The following ZFP14 variants were observed in gnomAD, a reference collection of about 807,000 sequenced individuals.
ZFP14 encodes the protein ZFP14 zinc finger protein, also known as zinc finger protein 14 homolog.
In ZFP14, 22 loss-of-function variants were observed where a neutral mutation model predicts 54.5. The observed-to-expected ratio is 0.40, with a 90% confidence interval of 0.29 to 0.58. The LOEUF (loss-of-function observed/expected upper bound fraction) is 0.58, where lower values mean the gene tolerates loss of function less well. ZFP14 is among the 20% of genes least tolerant of loss of function. ZFP14 has a pLI of 0.39. For missense variants in ZFP14, 470 were observed against 637.8 expected (o/e 0.74, Z 2.83); for synonymous variants, 159 against 204.0 (o/e 0.78, Z 1.88).
intron 2 of ZFP14, chr19:36,362,805 A>G (rs1306748657): frequency 6.7e-6 from 2 of 300,576 alleles, no homozygotes; most frequent in Admixed American, 8.7e-5. Context: ...AAAAACATTG[A>G]TAAAAATTTA....
rs60367597 is a variant in ZFP14, at chr19:36,347,622, A to AAAAGAAAG, written c.236-6040_236-6033dup. On this transcript the variant is annotated intron_variant, in intron 4 of 4. Transcript: ENST00000270001. ...AGGCTCCATCTCAAAAAAAACAAAG[A>AAAAGAAAG]AAAGAAAGAAAAAGAAAAAGTAATC... Among the ~76,000 whole-genome samples the AAAAGAAAG allele has an allele frequency of 2.0e-5, 3 of 151,276 alleles. No homozygotes were observed. In the East Asian group the frequency reaches 5.9e-4, roughly 30 times the overall value.
At chr19:36,353,492 C>T (rs567815667) in intron 4 of ZFP14, among the ~76,000 whole-genome samples, 3 of 139,646 alleles carry the variant, frequency 2.1e-5, no homozygotes, top group Admixed American at 1.5e-4. Flanking sequence ...CAAGGTCAGG[C>T]GTTCGAGACC....
rs4806322 is a variant in ZFP14 at position 36,339,050 on chromosome 19, T to A, written c.*1174A>T. On this transcript the variant is annotated 3_prime_UTR_variant, in exon 5 of 5. Coordinates refer to ENST00000270001, the MANE Select transcript of ZFP14 (RefSeq NM_020917.3). ...TGTATTACTAGTGACCTCACATTCATGAAATTCATTTTTGGCATGAAATTT... is the reference window on the plus strand; with the variant it reads ...TGTATTACTAGTGACCTCACATTCAAGAAATTCATTTTTGGCATGAAATTT... The A allele has an allele frequency of 6.6e-6, 1 of 152,214 alleles. No homozygotes were observed. Among genetic ancestry groups the A allele is most frequent in the African/African-American group, 2.4e-5 (1 of 41,454 alleles). The allele number at this position is 152,214 out of a possible 1,614,324, so 9.4% of individuals were successfully genotyped here. A position where few individuals can be genotyped will look rare whatever the true frequency, so the allele number is the denominator to read the frequency against.
At chr19:36,348,825 AATG>A (rs1348621621) in intron 4 of ZFP14, among the ~76,000 whole-genome samples, 1 of 152,094 alleles carries the variant, frequency 6.6e-6, no homozygotes, top group African/African-American at 2.4e-5. Flanking sequence ...AAATAACACC[AATG>A]GGTTCCTCCC....
intron 3 of ZFP14, 137 bp downstream of exon 3, chr19:36,361,975 G>A (rs1320087597): frequency 1.1e-6 from 1 of 949,910 alleles, no homozygotes; most frequent in East Asian, 2.9e-5. Context: ...ATGATGAAAT[G>A]GAGAGGCCTA....
chr19:36,376,062 T>C (rs1163948803), intron 1 of ZFP14, among the ~76,000 whole-genome samples: 1 of 152,166 alleles, frequency 6.6e-6, no homozygotes, highest in Non-Finnish European at 1.5e-5. Context: ...TATATGCTTT[T>C]ATTTTTCTGC....
intron 1 of ZFP14, among the ~76,000 whole-genome samples, chr19:36,374,159 C>T (rs375344613): frequency 6.6e-6 from 1 of 152,242 alleles, no homozygotes; most frequent in South Asian, 2.1e-4. Context: ...AGAAGCTCCA[C>T]TTCTGACACT....
chr19:36,339,894 T>C lies in ZFP14; in HGVS notation c.*330A>G, dbSNP rs1368592430. On this transcript the variant is annotated 3_prime_UTR_variant, in exon 5 of 5. Transcript: ENST00000270001. ...TACGCAGCAATAAATAACTAATACA[T>C]ATAAGTACTATTATTACCATTTTAC... 5.1e-6 allele frequency: 1 copy of C among 195,690 alleles called. No homozygotes were observed. The highest frequency in any genetic ancestry group is 1.0e-5 in the Non-Finnish European group (1 of 95,822). 12.1% of individuals were successfully genotyped at this position (195,690 alleles called of 1,614,324 possible).
In ZFP14 at chr19:36,336,238, C is replaced by CTTTTTTTT. The variant is rs11374670; in HGVS notation, c.*3978_*3985dup. 2.9e-5 allele frequency: 3 copies of CTTTTTTTT among 103,480 alleles called. No homozygotes were observed. The highest frequency in any genetic ancestry group is 3.7e-5 in the Non-Finnish European group (2 of 54,574). 6.4% of individuals were successfully genotyped at this position (103,480 alleles called of 1,614,324 possible). On this transcript the variant is annotated 3_prime_UTR_variant, in exon 5 of 5. Coordinates refer to ENST00000270001, the MANE Select transcript of ZFP14 (RefSeq NM_020917.3). ...ACTTTCTACTGTTACTTGGCTGTTC[C>CTTTTTTTT]TTTTTTTTTTTTTTTTTTTTTGACA...
chr19:36,341,132 C>T lies in ZFP14; in HGVS notation c.694G>A (p.Glu232Lys). 6.2e-7 allele frequency: 1 copy of T among 1,614,138 alleles called. No homozygotes were observed. Among genetic ancestry groups the T allele is most frequent in the Middle Eastern group, 1.6e-4 (1 of 6,062 alleles). ...HTGEKPYECK[E>K]CGKAFTVLQE... ...AGCACTGTAAAGGCCTTCCCACACT[C>T]CTTACATTCATAGGGTTTCTCACCG... Residue 232 changes from glutamate (E) to lysine (K), a missense_variant, in exon 5 of 5, where the codon GAG becomes AAG. Physicochemically the swap from Glu to Lys is moderately conservative, Grantham distance 56. Transcript: ENST00000270001. This position sits in a 1 kb window ranked among gnomAD's most constrained non-coding sequence, Gnocchi z 4.2.
intron 2 of ZFP14, among the ~76,000 whole-genome samples, chr19:36,364,862 A>C (rs1441042964): frequency 6.6e-6 from 1 of 152,086 alleles, no homozygotes; most frequent in African/African-American, 2.4e-5. Flanking sequence ...CTCCCACTTA[A>C]CATCAGTAAT....
chr19:36,354,763 C>T (rs555753378), intron 4 of ZFP14, among the ~76,000 whole-genome samples: 4 of 143,088 alleles, frequency 2.8e-5, no homozygotes, highest in African/African-American at 5.1e-5. Flanking sequence ...CCTCCACCTC[C>T]CAGGTTCAAG....
At position 36,350,542 on chromosome 19, in the gene ZFP14, C is replaced by T. The variant is rs532236387; in HGVS notation, c.236-8952G>A. On this transcript the variant is annotated intron_variant, in intron 4 of 4. Transcript: ENST00000270001. ...CTTGAGCCCAGGAGGGTGAGGCTGC[C>T]GTGAGCTGAAATCATGCCACTGCAC... Among the ~76,000 whole-genome samples, 4 of 139,470 alleles carry T rather than the reference C, an allele frequency of 2.9e-5. 1 individual carries two copies. The highest frequency in any genetic ancestry group is 4.6e-4 in the South Asian group (2 of 4,340). 91.5% of individuals were successfully genotyped at this position (139,470 alleles called of 152,430 possible).
At chr19:36,353,045 T>C (rs2031556365) in intron 4 of ZFP14, among the ~76,000 whole-genome samples, 1 of 140,252 alleles carries the variant, frequency 7.1e-6, no homozygotes, top group South Asian at 2.3e-4. Context: ...AGTTGAGCCA[T>C]GTTCATGTCA....
At position 36,339,039 on chromosome 19, in the gene ZFP14, C is replaced by T. The variant is rs1343035931; in HGVS notation, c.*1185G>A. 6.6e-6 allele frequency: 1 copy of T among 152,144 alleles called. No individual in the cohort carries two copies. The highest frequency in any genetic ancestry group is 1.5e-5 in the Non-Finnish European group (1 of 68,034). The allele number at this position is 152,144 out of a possible 1,614,324, so 9.4% of individuals were successfully genotyped here. A position where few individuals can be genotyped will look rare whatever the true frequency, so the allele number is the denominator to read the frequency against. Reference sequence around the variant, plus strand: ...TCTTCAACAGCTGTATTACTAGTGACCTCACATTCATGAAATTCATTTTTG... The same window carrying T: ...TCTTCAACAGCTGTATTACTAGTGATCTCACATTCATGAAATTCATTTTTG... On this transcript the variant is annotated 3_prime_UTR_variant, in exon 5 of 5. Transcript: ENST00000270001.
At chr19:36,344,653 C>G (rs557850034) in intron 4 of ZFP14, among the ~76,000 whole-genome samples, 1 of 152,074 alleles carries the variant, frequency 6.6e-6, no homozygotes, top group South Asian at 2.1e-4. Context: ...CGAGCATGAC[C>G]GCCTGAGCTC....
chr19:36,349,268 AAAC>A (rs1384532924), intron 4 of ZFP14, among the ~76,000 whole-genome samples: 59 of 146,028 alleles, frequency 4.0e-4, no homozygotes, highest in Non-Finnish European at 7.1e-4. Context: ...AAAAAAAAAA[AAAC>A]AGGAAGAACA....
chr19:36,345,824 T>C (rs2031403344), intron 4 of ZFP14, among the ~76,000 whole-genome samples: 1 of 152,022 alleles, frequency 6.6e-6, no homozygotes, highest in East Asian at 1.9e-4. Flanking sequence ...TCAGAAGAAA[T>C]TTTATAGATA....
At position 36,341,768 on chromosome 19, in the gene ZFP14, C is replaced by G. The variant is rs900118196; in HGVS notation, c.236-178G>C. 1.3e-5 allele frequency among the ~76,000 whole-genome samples: 2 copies of G among 152,086 alleles called. No homozygotes were observed. The highest frequency in any genetic ancestry group is 4.8e-5 in the African/African-American group (2 of 41,400). On this transcript the variant is annotated intron_variant, in intron 4 of 4. Coordinates refer to ENST00000270001, the MANE Select transcript of ZFP14 (RefSeq NM_020917.3). This position sits in a 1 kb window ranked among gnomAD's most constrained non-coding sequence, Gnocchi z 4.2. ...TCTGCCACAATCTTATATATGTGTA[C>G]CTAAAAAACCTTATCTTCTACAAAA... is the stretch of plus-strand genomic sequence containing the variant.
Sources: allele counts gnomAD v4.1 joint callset (sites outside exome capture counted in the v4.1 genomes callset), GRCh38; gene constraint gnomAD v4.1.1; non-coding constraint Gnocchi (gnomAD v3.1); transcripts MANE v1.5; gene names NCBI Gene and HGNC (gene_info 2026-07-23, HGNC 2026-07-21).